SYN3: variants seen among roughly 807,000 people sequenced by gnomAD.
The protein encoded by SYN3 is synapsin III.
SYN3 carries 35 observed loss-of-function variants against 65.8 expected under a neutral mutation model. That is an observed-to-expected ratio of 0.53 (90% CI 0.41 to 0.70). The LOEUF (loss-of-function observed/expected upper bound fraction) is 0.70. Ranked by LOEUF, SYN3 falls within the 30% of genes least tolerant of loss-of-function variation. The pLI, the probability that SYN3 is intolerant of heterozygous loss-of-function variation, is 0.00. For synonymous variants in SYN3, 270 were observed against 292.9 expected (o/e 0.92, Z 0.80); for missense variants, 680 against 749.0 (o/e 0.91, Z 1.08).
Position 32,541,672 on chromosome 22 carries a change from G to C in SYN3, c.816C>G (p.Ser272Arg), listed in dbSNP as rs189882761. 1.2e-6 allele frequency: 2 copies of C among 1,613,978 alleles called. No homozygotes were observed. Among genetic ancestry groups the C allele is most frequent in the Non-Finnish European group, 1.7e-6 (2 of 1,180,030 alleles). ...ENQLDFQDITSVVAMAKTYAT... is the reference protein window; with the variant it reads ...ENQLDFQDITRVVAMAKTYAT... The stretch of plus-strand genomic sequence containing the variant: ...CGTAGGTTTTGGCCATGGCGACCAC[G>C]CTGGTGATGTCCTGGAAGTCAAGCT... Residue 272 changes from serine to arginine, a missense_variant, in exon 8 of 14, where the codon AGC becomes AGG. Ser to Arg is a moderately radical substitution (Grantham distance 110). Coordinates refer to ENST00000358763, the MANE Select transcript of SYN3 (RefSeq NM_003490.4).
At chr22:32,712,558 G>T (rs1004048135) in intron 6 of SYN3, among the ~76,000 whole-genome samples, 1 of 152,068 alleles carries the variant, frequency 6.6e-6, no homozygotes, top group African/African-American at 2.4e-5. Flanking sequence ...CCCGAGCGGG[G>T]ATAGCTCACA....
intron 6 of SYN3, among the ~76,000 whole-genome samples, chr22:32,611,289 T>TTG (rs1569089447): frequency 1.0e-5 from 1 of 99,140 alleles, no homozygotes. Flanking sequence ...TTTTTGTTTT[T>TTG]TTTTTTTTTT....
At chr22:32,762,750 G>A (rs900995600) in intron 6 of SYN3, among the ~76,000 whole-genome samples, 2 of 152,216 alleles carry the variant, frequency 1.3e-5, no homozygotes, top group Non-Finnish European at 2.9e-5. Context: ...GGCACGCCCT[G>A]GTTCCCACTT....
chr22:32,546,121 C>G (rs1240509899), intron 7 of SYN3, among the ~76,000 whole-genome samples: 2 of 152,066 alleles, frequency 1.3e-5, no homozygotes, highest in East Asian at 1.9e-4. Flanking sequence ...TACAGAGGGT[C>G]TCCCACATTG....
At chr22:32,863,287 A>T (rs889513695) in intron 6 of SYN3, among the ~76,000 whole-genome samples, 3 of 152,142 alleles carry the variant, frequency 2.0e-5, no homozygotes, top group Non-Finnish European at 4.4e-5. Flanking sequence ...CTGAATCTGG[A>T]TGTATTAATA....
chr22:32,575,181 A>G (rs972112302), intron 7 of SYN3, among the ~76,000 whole-genome samples: 5 of 152,216 alleles, frequency 3.3e-5, no homozygotes, highest in Non-Finnish European at 7.3e-5. Flanking sequence ...TCTGTTTAAT[A>G]TACTAAGTGT....
intron 6 of SYN3, among the ~76,000 whole-genome samples, chr22:32,661,604 C>T (rs2060217864): frequency 6.6e-6 from 1 of 152,150 alleles, no homozygotes; most frequent in African/African-American, 2.4e-5. Flanking sequence ...TCATCATTGG[C>T]TCCACAGCTG....
At chr22:33,025,901 G>A (rs1449578185) in intron 1 of SYN3, among the ~76,000 whole-genome samples, 1 of 152,122 alleles carries the variant, frequency 6.6e-6, no homozygotes, top group Non-Finnish European at 1.5e-5. Context: ...AATCAGGGGA[G>A]CCTTGATAGT....
At chr22:32,587,316 T>C (rs2059062250) in intron 7 of SYN3, among the ~76,000 whole-genome samples, 1 of 140,846 alleles carries the variant, frequency 7.1e-6, no homozygotes, top group African/African-American at 2.7e-5. Flanking sequence ...AGAGAGGACA[T>C]AGGGAGGGAG....
intron 6 of SYN3, among the ~76,000 whole-genome samples, chr22:32,789,576 G>A (rs557027070): frequency 6.6e-6 from 1 of 152,306 alleles, no homozygotes; most frequent in East Asian, 1.9e-4. Context: ...CAATGTTCCA[G>A]CAATGCTTTT....
chr22:32,766,515 G>A (rs908138852), intron 6 of SYN3, among the ~76,000 whole-genome samples: 5 of 152,178 alleles, frequency 3.3e-5, no homozygotes, highest in Non-Finnish European at 5.9e-5. Context: ...GACCCACAGT[G>A]AATGAAAGCC....
intron 7 of SYN3, among the ~76,000 whole-genome samples, chr22:32,547,655 G>C (rs1366493968): frequency 6.6e-6 from 1 of 152,220 alleles, no homozygotes; most frequent in Non-Finnish European, 1.5e-5. Context: ...GAGCAAGGAG[G>C]GAGAGTGGAA....
intron 6 of SYN3, among the ~76,000 whole-genome samples, chr22:32,735,152 T>G (rs148578397): frequency 6.5e-4 from 99 of 152,208 alleles, no homozygotes; most frequent in African/African-American, 2.2e-3. Flanking sequence ...GCTCTGTGTG[T>G]GTTGAGGGGC....
At chr22:32,779,102 T>C (rs1275896025) in intron 6 of SYN3, among the ~76,000 whole-genome samples, 1 of 152,138 alleles carries the variant, frequency 6.6e-6, no homozygotes, top group East Asian at 1.9e-4. Context: ...TAAATCCAAA[T>C]GAATGTAAAA....
chr22:32,549,888 C>CAAAAAAA (rs10666789), intron 7 of SYN3, among the ~76,000 whole-genome samples: 4 of 141,992 alleles, frequency 2.8e-5, no homozygotes, highest in Admixed American at 7.0e-5. Context: ...GACTCTGTCT[C>CAAAAAAA]AAAAAAAAAA....
intron 9 of SYN3, among the ~76,000 whole-genome samples, chr22:32,535,783 G>GC (rs1031319033): frequency 1.1e-4 from 17 of 151,016 alleles, no homozygotes; most frequent in Admixed American, 3.3e-4. Context: ...TGGAGAATCG[G>GC]GGGGGGGGCC....
intron 2 of SYN3, among the ~76,000 whole-genome samples, chr22:32,992,023 T>C (rs2052730538): frequency 1.3e-5 from 2 of 152,184 alleles, no homozygotes; most frequent in South Asian, 4.1e-4. Context: ...GGAGTAGCTA[T>C]TGCTCAAGAA....
Position 32,954,463 on chromosome 22 carries a change from G to T in SYN3, c.370-22982C>A, listed in dbSNP as rs192699686. ...GACCACAGCTTAGATACAAAGAAAA[G>T]AACAGTGGTTAATGTTTCCTTGACA... On this transcript the variant is annotated intron_variant, in intron 3 of 13. Transcript: ENST00000358763. Among the ~76,000 whole-genome samples, 40 of 152,364 alleles carry T rather than the reference G, an allele frequency of 2.6e-4. 1 individual carries two copies. The East Asian group carries it at 7.5e-3, about 29-fold the overall frequency.
At chr22:32,695,030 T>C (rs1234678030) in intron 6 of SYN3, among the ~76,000 whole-genome samples, 1 of 152,238 alleles carries the variant, frequency 6.6e-6, no homozygotes, top group Non-Finnish European at 1.5e-5. Flanking sequence ...CTGAACATTC[T>C]CCGTCAAAGT....
Sources: gnomAD v4.1 joint callset for allele counts (sites outside exome capture counted in the v4.1 genomes callset) on GRCh38, gnomAD v4.1.1 for gene constraint, MANE v1.5 for transcripts, NCBI Gene and HGNC (gene_info 2026-07-23, HGNC 2026-07-21) for gene names.